The following CLK4 variants were observed in gnomAD, a reference collection of about 807,000 sequenced individuals.
CLK4 encodes the protein dual specificity protein kinase CLK4.
Under a neutral mutation model 64.4 loss-of-function variants are expected in CLK4, and 37 were observed. The observed-to-expected ratio is 0.57, with a 90% confidence interval of 0.44 to 0.76. CLK4 has a LOEUF of 0.76. Among genes scored for constraint, CLK4 ranks in the 30% least tolerant of loss-of-function variants. The probability of loss-of-function intolerance (pLI) is 0.00; values close to 1 mark genes in which losing one functional copy is unlikely to be tolerated. For missense variants in CLK4, 457 were observed against 605.1 expected (o/e 0.76, Z 2.57); for synonymous variants, 175 against 191.6 (o/e 0.91, Z 0.72).
intron 1 of CLK4, 113 bp from the exon 2 acceptor site, chr5:178,623,529 C>T (rs1004412599): frequency 3.2e-5 from 28 of 885,444 alleles, no homozygotes; most frequent in Admixed American, 4.0e-5. Flanking sequence ...GTCTTACAGG[C>T]TCCAAAATCT....
intron 10 of CLK4, 49 bp from the exon 11 acceptor site, chr5:178,605,431 A>G (rs373404202): frequency 1.8e-6 from 2 of 1,090,404 alleles, no homozygotes; most frequent in South Asian, 3.2e-5. Flanking sequence ...TTCCCTACAA[A>G]CACATTAACT....
In CLK4 at chr5:178,603,612, CCATTT is replaced by C; in HGVS notation, c.1446_*4del. On this transcript the variant is annotated stop_lost and 3_prime_UTR_variant, in exon 13 of 13. Transcript: ENST00000316308. ...AAGTATATAGTAAGACCACTGATTC[CCATTT>C]CATTTCTTTTTTAATAAGTCAAAGA... 5 of 1,554,754 alleles carry C rather than the reference CCATTT, an allele frequency of 3.2e-6. No individual in the cohort carries two copies. Among genetic ancestry groups the C allele is most frequent in the African/African-American group, 1.4e-5 (1 of 72,600 alleles).
At chr5:178,604,985 C>A in intron 11 of CLK4, 1 of 161,668 alleles carries the variant, frequency 6.2e-6, no homozygotes, top group Non-Finnish European at 1.3e-5. Flanking sequence ...CAAAAATTAG[C>A]CAGGCATAGT....
In CLK4 at chr5:178,623,281, G is replaced by A; in HGVS notation, c.136C>T (p.His46Tyr). ...CAATCAGATTCTTTAAACTGGTGAT[G>A]TGGTTTACAATGCCTGTTCTCTTGT... is the stretch of plus-strand genomic sequence containing the variant. ...STQENRHCKPHHQFKESDCHY... is the reference protein window; with the variant it reads ...STQENRHCKPYHQFKESDCHY... The change falls in exon 2 of 13, where the codon CAT (histidine) becomes TAT (tyrosine). Residue 46 changes from histidine to tyrosine, a missense_variant. His to Tyr is a moderately conservative substitution (Grantham distance 83, BLOSUM62 2). Coordinates refer to ENST00000316308, the MANE Select transcript of CLK4 (RefSeq NM_020666.3). 1 of 1,613,822 alleles carries A rather than the reference G, an allele frequency of 6.2e-7. No individual in the cohort carries two copies. The highest frequency in any genetic ancestry group is 8.5e-7 in the Non-Finnish European group (1 of 1,179,842).
intron 10 of CLK4, among the ~76,000 whole-genome samples, chr5:178,607,394 T>C (rs1764482237): frequency 6.6e-6 from 1 of 152,130 alleles, no homozygotes; most frequent in African/African-American, 2.4e-5. Flanking sequence ...TTCTTCCTTA[T>C]ATGCCCATTG....
In CLK4 at chr5:178,602,750, C is replaced by T. The variant is rs1049111096; in HGVS notation, c.*867G>A. The T allele has an allele frequency of 2.0e-5, 3 of 152,192 alleles. No individual in the cohort carries two copies. Among genetic ancestry groups the T allele is most frequent in the African/African-American group, 7.2e-5 (3 of 41,450 alleles). 9.4% of individuals were successfully genotyped at this position (152,192 alleles called of 1,614,324 possible). On this transcript the variant is annotated 3_prime_UTR_variant, in exon 13 of 13. Transcript: ENST00000316308. ...TCCCAAACTGCTTTCCAATCAAATC[C>T]TCTTTCTCCCGTAAGAATTATCACA...
intron 8 of CLK4, 76 bp downstream of exon 8, chr5:178,612,720 A>T: frequency 9.2e-7 from 1 of 1,089,256 alleles, no homozygotes; most frequent in Non-Finnish European, 1.4e-6. Context: ...CAGAAGTGAA[A>T]TTCCTCATCC....
intron 6 of CLK4, 28 bp downstream of exon 6, chr5:178,613,699 A>G (rs1264167363): frequency 6.2e-7 from 1 of 1,606,930 alleles, no homozygotes; most frequent in Non-Finnish European, 8.5e-7. Flanking sequence ...ATGTAATATG[A>G]TGGCTCCTAG....
In CLK4 at chr5:178,603,556, C is replaced by T; in HGVS notation, c.*61G>A. On this transcript the variant is annotated 3_prime_UTR_variant, in exon 13 of 13. Coordinates refer to ENST00000316308, the MANE Select transcript of CLK4 (RefSeq NM_020666.3). ...CAAAAATATTAGAATGTTTAGTTGA[C>T]TGACACAGTCTTAAGTAATCTCTTC... 8.3e-7 allele frequency: 1 copy of T among 1,203,708 alleles called. No individual in the cohort carries two copies. Among genetic ancestry groups the T allele is most frequent in the Non-Finnish European group, 1.1e-6 (1 of 885,770 alleles). The allele number at this position is 1,203,708 out of a possible 1,614,324, so 74.6% of individuals were successfully genotyped here.
chr5:178,610,264 C>T (rs1022297477), intron 9 of CLK4, among the ~76,000 whole-genome samples: 2 of 151,146 alleles, frequency 1.3e-5, no homozygotes, highest in African/African-American at 4.9e-5. Flanking sequence ...CAGTCCAGCC[C>T]GGGTGACAGT....
chr5:178,612,270 G>T, intron 9 of CLK4, 146 bp downstream of exon 9: 1 of 641,670 alleles, frequency 1.6e-6, no homozygotes. Context: ...AGTATTTATA[G>T]CAATGTCCAC....
intron 5 of CLK4, among the ~76,000 whole-genome samples, chr5:178,614,189 T>C (rs576098179): frequency 6.6e-6 from 1 of 152,376 alleles, no homozygotes; most frequent in Non-Finnish European, 1.5e-5. Flanking sequence ...AGGCTAGGCC[T>C]ACTCTGTGCC....
chr5:178,611,346 T>TA (rs1764554447), intron 9 of CLK4, among the ~76,000 whole-genome samples: 2 of 152,204 alleles, frequency 1.3e-5, no homozygotes, highest in East Asian at 3.9e-4. Context: ...ATTACGCATT[T>TA]AAAAGACAAG....
intron 10 of CLK4, among the ~76,000 whole-genome samples, chr5:178,606,407 G>A (rs1377708192): frequency 6.6e-6 from 1 of 152,086 alleles, no homozygotes; most frequent in African/African-American, 2.4e-5. Flanking sequence ...TTTTCAACAG[G>A]ATCTCTACAG....
At chr5:178,609,823 C>T (rs539064191) in intron 9 of CLK4, among the ~76,000 whole-genome samples, 3 of 149,480 alleles carry the variant, frequency 2.0e-5, no homozygotes, top group South Asian at 2.1e-4. Context: ...GCAGGAGAAT[C>T]GCTTGAACCC....
chr5:178,621,538 G>T (rs990161963), intron 2 of CLK4, among the ~76,000 whole-genome samples: 5 of 152,076 alleles, frequency 3.3e-5, no homozygotes, highest in Non-Finnish European at 7.4e-5. Context: ...TAATAAATAG[G>T]CTAAGAATAA....
chr5:178,622,387 A>G, intron 2 of CLK4: 1 of 980,600 alleles, frequency 1.0e-6, no homozygotes, highest in Non-Finnish European at 1.2e-6. Flanking sequence ...GAAAGAAATT[A>G]CATACTGTTT....
rs747285138 is a variant in CLK4, at chr5:178,616,865, G to C, written c.542+17C>G. 1.3e-6 allele frequency: 2 copies of C among 1,588,948 alleles called. No individual in the cohort carries two copies. Among genetic ancestry groups the C allele is most frequent in the Non-Finnish European group, 1.7e-6 (2 of 1,160,622 alleles). Reference sequence around the variant, plus strand: ...CCAAAAACATCAGAATGTTTGAAAAGGAAAAAACAAACTTACATGCCATGA... The same window carrying C: ...CCAAAAACATCAGAATGTTTGAAAACGAAAAAACAAACTTACATGCCATGA... On this transcript the variant is annotated intron_variant, in intron 5 of 12. Coordinates refer to ENST00000316308, the MANE Select transcript of CLK4 (RefSeq NM_020666.3).
intron 5 of CLK4, among the ~76,000 whole-genome samples, chr5:178,614,246 C>G (rs962710192): frequency 6.6e-6 from 1 of 152,206 alleles, no homozygotes; most frequent in Admixed American, 6.5e-5. Flanking sequence ...TGTGTCCCTA[C>G]GTACTTCAAA....
Sources: gnomAD v4.1 joint callset for allele counts (sites outside exome capture counted in the v4.1 genomes callset) on GRCh38, gnomAD v4.1.1 for gene constraint, MANE v1.5 for transcripts, NCBI Gene and HGNC (gene_info 2026-07-23, HGNC 2026-07-21) for gene names.